Variants in CFAP299 observed in about 807,000 individuals in gnomAD.
The protein encoded by CFAP299 is cilia- and flagella-associated protein 299.
In CFAP299, 21 loss-of-function variants were observed where a neutral mutation model predicts 27.0. That is an observed-to-expected ratio of 0.78 (90% confidence interval 0.55 to 1.12). The LOEUF (loss-of-function observed/expected upper bound fraction) is 1.12, where lower values mean the gene tolerates loss of function less well. CFAP299 is among the 50% of genes most tolerant of loss of function. The pLI is 0.00. For synonymous variants in CFAP299, 104 were observed against 98.1 expected (o/e 1.06, Z -0.36); for missense variants, 310 against 276.6 (o/e 1.12, Z -0.86).
intron 3 of CFAP299, among the ~76,000 whole-genome samples, chr4:80,702,713 A>C (rs971556078): frequency 6.6e-6 from 1 of 151,904 alleles, no homozygotes; most frequent in East Asian, 1.9e-4. Context: ...AAAAGTAAGC[A>C]TATGGGTTCT....
At chr4:80,357,232 G>C (rs551088993) in intron 1 of CFAP299, among the ~76,000 whole-genome samples, 2 of 152,086 alleles carry the variant, frequency 1.3e-5, no homozygotes, top group Non-Finnish European at 2.9e-5. Flanking sequence ...TGCTGGATTC[G>C]GTTTGTCAGT....
At chr4:80,816,524 A>C (rs1410893330) in intron 3 of CFAP299, among the ~76,000 whole-genome samples, 1 of 152,120 alleles carries the variant, frequency 6.6e-6, no homozygotes, top group Non-Finnish European at 1.5e-5. Context: ...GTGAAAACAC[A>C]TTTTAGTCCT....
At chr4:80,730,970 G>A (rs753717635) in intron 3 of CFAP299, among the ~76,000 whole-genome samples, 1 of 152,074 alleles carries the variant, frequency 6.6e-6, no homozygotes, top group Non-Finnish European at 1.5e-5. Context: ...TCCTGAGGTG[G>A]CAACTAGCAG....
At chr4:80,637,341 A>G (rs1343102242) in intron 3 of CFAP299, among the ~76,000 whole-genome samples, 3 of 152,168 alleles carry the variant, frequency 2.0e-5, no homozygotes, top group African/African-American at 7.2e-5. Context: ...ATAGACATGC[A>G]ATTTTTTTCC....
At chr4:80,736,973 C>G (rs1287210286) in intron 3 of CFAP299, among the ~76,000 whole-genome samples, 1 of 152,082 alleles carries the variant, frequency 6.6e-6, no homozygotes, top group Non-Finnish European at 1.5e-5. Context: ...CCATGGAATA[C>G]TACGCAGCCA....
chr4:80,806,030 A>G (rs889191737), intron 3 of CFAP299, among the ~76,000 whole-genome samples: 3 of 152,246 alleles, frequency 2.0e-5, no homozygotes, highest in Non-Finnish European at 4.4e-5. Flanking sequence ...GCTATAAGAA[A>G]GATATCTTAA....
chr4:80,654,311 T>G (rs1383738856), intron 3 of CFAP299, among the ~76,000 whole-genome samples: 2 of 152,154 alleles, frequency 1.3e-5, no homozygotes, highest in East Asian at 3.9e-4. Context: ...GCAGATATTT[T>G]GGTGGTATTT....
chr4:80,379,053 T>G (rs1724564785), intron 2 of CFAP299, among the ~76,000 whole-genome samples: 1 of 152,076 alleles, frequency 6.6e-6, no homozygotes, highest in African/African-American at 2.4e-5. Flanking sequence ...AGTTCACCAG[T>G]GAAGCCTTCT....
intron 2 of CFAP299, among the ~76,000 whole-genome samples, chr4:80,521,211 A>T (rs1043701411): frequency 6.6e-6 from 1 of 152,158 alleles, no homozygotes; most frequent in Non-Finnish European, 1.5e-5. Context: ...TCATTTATAT[A>T]TATTGTTCTA....
In CFAP299 at chr4:80,538,273, ATGTT is replaced by A. The variant is rs562799206; in HGVS notation, c.243-44816_243-44813del. 7.2e-5 allele frequency among the ~76,000 whole-genome samples: 11 copies of A among 152,166 alleles called. No individual in the cohort carries two copies. The South Asian group carries it at 2.1e-3, about 29-fold the overall frequency. On this transcript the variant is annotated intron_variant, in intron 2 of 5. Coordinates refer to ENST00000358105, the MANE Select transcript of CFAP299 (RefSeq NM_152770.3). ...AAAAATATTTTTGTATTTTTGTACA[ATGTT>A]TGTCTTTTAAGCTCAGTGTTATTTA...
At chr4:80,665,310 A>G (rs532961514) in intron 3 of CFAP299, among the ~76,000 whole-genome samples, 1 of 152,194 alleles carries the variant, frequency 6.6e-6, no homozygotes, top group Admixed American at 6.5e-5. Flanking sequence ...CTCTTTTATG[A>G]TTACTCCTCA....
At chr4:80,548,416 G>A (rs866406385) in intron 2 of CFAP299, among the ~76,000 whole-genome samples, 1 of 152,214 alleles carries the variant, frequency 6.6e-6, no homozygotes, top group Middle Eastern at 3.4e-3. Context: ...GGCATAAATT[G>A]GAAGTGCACA....
intron 3 of CFAP299, among the ~76,000 whole-genome samples, chr4:80,601,702 T>C (rs1208308639): frequency 2.6e-5 from 4 of 152,166 alleles, no homozygotes; most frequent in Non-Finnish European, 2.9e-5. Flanking sequence ...TCATGGCTAT[T>C]GCTTGATCCG....
intron 2 of CFAP299, among the ~76,000 whole-genome samples, chr4:80,479,381 G>A (rs1335231260): frequency 6.6e-6 from 1 of 151,892 alleles, no homozygotes; most frequent in Non-Finnish European, 1.5e-5. Flanking sequence ...TTCTCCTTGA[G>A]GTTTATAGCT....
At chr4:80,592,034 A>G (rs995434062) in intron 3 of CFAP299, among the ~76,000 whole-genome samples, 6 of 152,230 alleles carry the variant, frequency 3.9e-5, no homozygotes, top group Non-Finnish European at 8.8e-5. Context: ...GCAACTAAGA[A>G]AGCTATTATT....
intron 3 of CFAP299, among the ~76,000 whole-genome samples, chr4:80,742,352 G>T (rs1013498462): frequency 6.6e-6 from 1 of 152,032 alleles, no homozygotes; most frequent in Admixed American, 6.6e-5. Flanking sequence ...CCTAATAAAA[G>T]ACTTTACATT....
intron 3 of CFAP299, among the ~76,000 whole-genome samples, chr4:80,803,623 A>T (rs1345184031): frequency 6.6e-6 from 1 of 151,816 alleles, no homozygotes; most frequent in African/African-American, 2.4e-5. Context: ...TACATATGCA[A>T]CGTTAAACTT....
chr4:80,625,603 A>T (rs1410089713), intron 3 of CFAP299, among the ~76,000 whole-genome samples: 1 of 152,042 alleles, frequency 6.6e-6, no homozygotes, highest in East Asian at 1.9e-4. Flanking sequence ...AATTTAAAAA[A>T]CAAAAAAACA....
intron 3 of CFAP299, among the ~76,000 whole-genome samples, chr4:80,799,607 AT>A: frequency 2.0e-5 from 1 of 49,708 alleles, no homozygotes; most frequent in African/African-American, 8.7e-5. Flanking sequence ...TATATATTTT[AT>A]ATATTATATA....
Sources: gnomAD v4.1 joint callset for allele counts (sites outside exome capture counted in the v4.1 genomes callset) on GRCh38, gnomAD v4.1.1 for gene constraint, MANE v1.5 for transcripts, NCBI Gene and HGNC (gene_info 2026-07-23, HGNC 2026-07-21) for gene names.